RELN: variants seen among roughly 807,000 people sequenced by gnomAD.
RELN encodes reelin.
RELN carries 108 observed loss-of-function variants against 427.6 expected under a neutral mutation model. That is an observed-to-expected ratio of 0.25 (90% CI 0.22 to 0.30). The LOEUF (loss-of-function observed/expected upper bound fraction) is 0.30. Ranked by LOEUF, RELN falls within the 10% of genes least tolerant of loss-of-function variation. The pLI, the probability that RELN is intolerant of heterozygous loss-of-function variation, is 1.00. For synonymous variants in RELN, 1,524 were observed against 1,513.4 expected (o/e 1.01, Z -0.16); for missense variants, 3,715 against 4,302.8 (o/e 0.86, Z 3.82).
intron 45 of RELN, among the ~76,000 whole-genome samples, chr7:103,538,027 G>C (rs1830093609): frequency 6.6e-6 from 1 of 152,172 alleles, no homozygotes; most frequent in African/African-American, 2.4e-5. Context: ...ATCCCATCAG[G>C]TAGTCTGTAT....
At position 103,575,629 on chromosome 7, in the gene RELN, T is replaced by G. The variant is rs1381220339; in HGVS notation, c.4222A>C (p.Ile1408Leu). The stretch of plus-strand genomic sequence containing the variant: ...CAGTAACTGGGACAAGGCTCGGATA[T>G]GTACACTCCATCTAAACCAAATGGA... ...VPPFGLDGVY[I>L]SEPCPSYCSG... The change falls in exon 29 of 65, where the codon ATA (isoleucine) becomes CTA (leucine). Residue 1408 changes from isoleucine (I) to leucine (L), a missense_variant. By Grantham distance (5) the Ile-to-Leu change is conservative (BLOSUM62 2). Around this residue, in one of 4 missense-constraint regions of RELN, gnomAD observed 2,208 missense variants for 2,361.7 expected, o/e 0.93. Coordinates refer to ENST00000428762, the MANE Select transcript of RELN (RefSeq NM_005045.4). 1.7e-5 allele frequency: 27 copies of G among 1,614,022 alleles called. No individual in the cohort carries two copies. The highest frequency in any genetic ancestry group is 2.2e-5 in the East Asian group (1 of 44,890).
intron 2 of RELN, among the ~76,000 whole-genome samples, chr7:103,872,857 G>A (rs976807295): frequency 2.0e-5 from 3 of 150,668 alleles, no homozygotes; most frequent in African/African-American, 7.3e-5. Flanking sequence ...CTGCATAAAT[G>A]TCTTCTTTTG....
rs865817087 is a variant in RELN, at chr7:103,909,688, A to T, written c.337+7387T>A. 3.9e-3 allele frequency among the ~76,000 whole-genome samples: 261 copies of T among 67,386 alleles called. 73 individuals are homozygous for T. The highest frequency in any genetic ancestry group is 0.021 in the African/African-American group (248 of 11,676). The allele number at this position is 67,386 out of a possible 152,430, so 44.2% of individuals were successfully genotyped here. On this transcript the variant is annotated intron_variant, in intron 2 of 64. Coordinates refer to ENST00000428762, the MANE Select transcript of RELN (RefSeq NM_005045.4). ...AAATATATATTAAATATATTTAATA[A>T]ATATATATATTTAATATATATAAAT...
intron 3 of RELN, among the ~76,000 whole-genome samples, chr7:103,789,227 C>T (rs533596477): frequency 7.2e-5 from 11 of 152,196 alleles, no homozygotes; most frequent in African/African-American, 2.4e-4. Flanking sequence ...GACCTAAAAC[C>T]ATAAAATCCC....
chr7:103,969,022 T>G (rs904458046), intron 1 of RELN, among the ~76,000 whole-genome samples: 2 of 152,162 alleles, frequency 1.3e-5, no homozygotes, highest in African/African-American at 4.8e-5. Flanking sequence ...ATAATACTAG[T>G]ACCTACCTCA....
intron 2 of RELN, among the ~76,000 whole-genome samples, chr7:103,848,316 G>A (rs146486771): frequency 2.3e-4 from 35 of 152,212 alleles, no homozygotes; most frequent in African/African-American, 8.2e-4. Context: ...ATGAATTGAA[G>A]CCCTGGGTAC....
chr7:103,581,091 G>A (rs1831120328), intron 28 of RELN, among the ~76,000 whole-genome samples: 1 of 152,158 alleles, frequency 6.6e-6, no homozygotes. Context: ...AAAGAGAGAT[G>A]TTCTCAGGGG....
rs570994741 is a variant in RELN, at chr7:103,801,932, A to G, written c.474-25305T>C. Among the ~76,000 whole-genome samples the G allele has an allele frequency of 2.6e-5, 4 of 152,322 alleles. No individual in the cohort carries two copies. The East Asian group carries it at 7.7e-4, about 29-fold the overall frequency. On this transcript the variant is annotated intron_variant, in intron 3 of 64. Transcript: ENST00000428762. ...TAGCAGTAGCAGTAGTAGTAATACA[A>G]GTTCTGTGAGGGCAGGGACAACTTC...
chr7:103,590,478 T>G (rs1250811289), intron 27 of RELN, among the ~76,000 whole-genome samples: 1 of 152,004 alleles, frequency 6.6e-6, no homozygotes, highest in African/African-American at 2.4e-5. Flanking sequence ...GAGAATTGCT[T>G]GAACCTGGGA....
intron 2 of RELN, among the ~76,000 whole-genome samples, chr7:103,872,622 C>G (rs955657625): frequency 1.4e-5 from 2 of 139,532 alleles, no homozygotes; most frequent in African/African-American, 5.1e-5. Flanking sequence ...AGTTCTAGAT[C>G]TCTGAGGAAT....
intron 3 of RELN, among the ~76,000 whole-genome samples, chr7:103,821,719 T>C (rs1793019756): frequency 6.6e-6 from 1 of 152,140 alleles, no homozygotes; most frequent in Non-Finnish European, 1.5e-5. Context: ...ATATATTTAC[T>C]TAGGTTAAAA....
intron 6 of RELN, among the ~76,000 whole-genome samples, chr7:103,730,098 A>G (rs1790315762): frequency 6.6e-6 from 1 of 152,112 alleles, no homozygotes; most frequent in Admixed American, 6.6e-5. Flanking sequence ...GCTTAAGAGA[A>G]ACATCAACTT....
chr7:103,581,339 C>A (rs1562903729), intron 28 of RELN, among the ~76,000 whole-genome samples: 1 of 152,140 alleles, frequency 6.6e-6, no homozygotes, highest in Non-Finnish European at 1.5e-5. Flanking sequence ...GGGAGTATCT[C>A]TTGTGGTTAT....
chr7:103,740,513 T>C (rs568304345), intron 6 of RELN, among the ~76,000 whole-genome samples: 1 of 152,236 alleles, frequency 6.6e-6, no homozygotes, highest in Non-Finnish European at 1.5e-5. Flanking sequence ...AATATTGAGT[T>C]GACATAAAAA....
chr7:103,895,194 T>C (rs572588763), intron 2 of RELN, among the ~76,000 whole-genome samples: 1 of 152,142 alleles, frequency 6.6e-6, no homozygotes, highest in Admixed American at 6.6e-5. Context: ...TCAGTGATTA[T>C]TTAAACTTGG....
rs1481734366 is a variant in RELN, at chr7:103,603,982, C to A, written c.3146+364G>T. 6.6e-6 allele frequency among the ~76,000 whole-genome samples: 1 copy of A among 152,080 alleles called. No individual in the cohort carries two copies. Among genetic ancestry groups the A allele is most frequent in the Non-Finnish European group, 1.5e-5 (1 of 68,014 alleles). The stretch of plus-strand genomic sequence containing the variant: ...AATAATCACCATCTCCCCATGTATA[C>A]AACCTTGAACTTCTGGTGAAGTGGT... On this transcript the variant is annotated intron_variant, in intron 23 of 64. Coordinates refer to ENST00000428762, the MANE Select transcript of RELN (RefSeq NM_005045.4). The surrounding 1 kb of genome is among the most constrained non-coding windows in gnomAD (Gnocchi z 4.3).
rs748000925 is a variant in RELN at position 103,490,654 on chromosome 7, A to C, written c.9605+14T>G. 1 of 1,614,038 alleles carries C rather than the reference A, an allele frequency of 6.2e-7. No homozygotes were observed. The highest frequency in any genetic ancestry group is 1.1e-5 in the South Asian group (1 of 91,076). ...CAGATAATTTCACAAAGTTTACCTT[A>C]ATTTGCAACCTACCTAGAGGAGACA... is the stretch of plus-strand genomic sequence containing the variant. On this transcript the variant is annotated intron_variant, in intron 59 of 64. Transcript: ENST00000428762.
In RELN at chr7:103,496,517, G is replaced by A; in HGVS notation, c.9193+9C>T. On this transcript the variant is annotated intron_variant, in intron 56 of 64. Transcript: ENST00000428762. ...AGGAAAGAAAATTGTTCAATGTCTTGTTTCTTACCATCATCAAAAGTGTCC... is the reference window on the plus strand; with the variant it reads ...AGGAAAGAAAATTGTTCAATGTCTTATTTCTTACCATCATCAAAAGTGTCC... The A allele has an allele frequency of 6.2e-7, 1 of 1,614,054 alleles. No individual in the cohort carries two copies.
intron 60 of RELN, among the ~76,000 whole-genome samples, chr7:103,487,716 C>A (rs898239784): frequency 1.3e-5 from 2 of 152,114 alleles, no homozygotes; most frequent in African/African-American, 2.4e-5. Flanking sequence ...AGAGGCCTAT[C>A]TAATTTCTTT....
Sources: allele counts gnomAD v4.1 joint callset (sites outside exome capture counted in the v4.1 genomes callset), GRCh38; gene constraint gnomAD v4.1.1; regional missense constraint gnomAD v4.1.1; non-coding constraint Gnocchi (gnomAD v3.1); transcripts MANE v1.5; gene names NCBI Gene and HGNC (gene_info 2026-07-23, HGNC 2026-07-21).